Variants in ARHGAP10 observed in about 807,000 individuals in gnomAD.
ARHGAP10 encodes Rho GTPase activating protein 10, also known as rho GTPase-activating protein 10.
In ARHGAP10, 87 loss-of-function variants were observed where a neutral mutation model predicts 108.6. The observed-to-expected ratio is 0.80, with a 90% CI of 0.67 to 0.96. ARHGAP10 has a LOEUF of 0.96. Among genes scored for constraint, ARHGAP10 ranks in the 40% least tolerant of loss-of-function variants. ARHGAP10 has a pLI of 0.00. For synonymous variants in ARHGAP10, 347 were observed against 341.1 expected (o/e 1.02, Z -0.19); for missense variants, 939 against 954.5 (o/e 0.98, Z 0.21).
At chr4:147,872,481 G>A (rs373590665) in intron 7 of ARHGAP10, among the ~76,000 whole-genome samples, 2 of 152,212 alleles carry the variant, frequency 1.3e-5, no homozygotes, top group Non-Finnish European at 1.5e-5. Flanking sequence ...ATATAAACAC[G>A]TGTGCTCTGT....
intron 15 of ARHGAP10, among the ~76,000 whole-genome samples, chr4:147,953,601 G>A (rs1009597814): frequency 3.4e-5 from 5 of 145,844 alleles, no homozygotes; most frequent in African/African-American, 1.2e-4. Context: ...CACTGATTCT[G>A]CAGTCACCTT....
chr4:147,839,142 A>ATCTG (rs66465708), intron 3 of ARHGAP10, among the ~76,000 whole-genome samples: 18,578 of 117,512 alleles, frequency 0.16, 3,565 homozygotes, highest in Non-Finnish European at 0.21. Flanking sequence ...CTATCTATCT[A>ATCTG]TCTGTCTGTC....
rs1732563786 is a variant in ARHGAP10 at position 147,822,888 on chromosome 4, T to A, written c.251-8T>A. 6.2e-7 allele frequency: 1 copy of A among 1,613,942 alleles called. No individual in the cohort carries two copies. Among genetic ancestry groups the A allele is most frequent in the African/African-American group, 1.3e-5 (1 of 74,930 alleles). ...GGCCACCAAATAATCACTCCTTTCT[T>A]CTTACAGATGCTTCCTTACGTGAAT... is the stretch of plus-strand genomic sequence containing the variant. On this transcript the variant is annotated splice_region_variant and splice_polypyrimidine_tract_variant and intron_variant, in intron 2 of 22. Coordinates refer to ENST00000336498, the MANE Select transcript of ARHGAP10 (RefSeq NM_024605.4).
chr4:148,036,933 A>G (rs1271060615), intron 19 of ARHGAP10, among the ~76,000 whole-genome samples: 1 of 152,194 alleles, frequency 6.6e-6, no homozygotes, highest in Non-Finnish European at 1.5e-5. Flanking sequence ...TAAGCTGTGA[A>G]GAAACAAGGC....
chr4:147,753,373 A>G (rs546763599), intron 1 of ARHGAP10, among the ~76,000 whole-genome samples: 2 of 147,844 alleles, frequency 1.4e-5, no homozygotes, highest in South Asian at 2.1e-4. Context: ...TTTTTGAGAC[A>G]CAGTCTGTTG....
At chr4:147,786,040 G>A (rs1385789438) in intron 1 of ARHGAP10, among the ~76,000 whole-genome samples, 2 of 152,134 alleles carry the variant, frequency 1.3e-5, no homozygotes, top group East Asian at 3.9e-4. Flanking sequence ...TTTTTCTGAG[G>A]TAGATTGTTG....
chr4:147,940,338 G>A (rs1050431333), intron 14 of ARHGAP10, among the ~76,000 whole-genome samples: 1 of 152,320 alleles, frequency 6.6e-6, no homozygotes, highest in Admixed American at 6.5e-5. Flanking sequence ...ATTCACAGTG[G>A]CTTGTTTGTA....
At chr4:147,923,265 G>C (rs113983538) in intron 13 of ARHGAP10, among the ~76,000 whole-genome samples, 2,448 of 152,286 alleles carry the variant, frequency 0.016, 71 homozygotes, top group African/African-American at 0.056. Flanking sequence ...TAGTTTCAGA[G>C]ATTGGAGTGT....
At chr4:147,953,301 A>G (rs774533255) in intron 15 of ARHGAP10, among the ~76,000 whole-genome samples, 15 of 152,010 alleles carry the variant, frequency 9.9e-5, no homozygotes, top group Admixed American at 2.0e-4. Context: ...GTTAGAAATT[A>G]TTCCCTCTTC....
In ARHGAP10 at chr4:147,803,762, T is replaced by G. The variant is rs148112543; in HGVS notation, c.155-18965T>G. Among the ~76,000 whole-genome samples, 1,366 of 152,262 alleles carry G rather than the reference T, an allele frequency of 9.0e-3. 12 individuals are homozygous for G. Among genetic ancestry groups the G allele is most frequent in the South Asian group, 0.033 (161 of 4,826 alleles). On this transcript the variant is annotated intron_variant, in intron 1 of 22. Transcript: ENST00000336498. ...TCCATGTTGCTGTAAATTACAGCATTTTATTCTTTTCTGTGGCTGAATAGT... is the reference window on the plus strand; with the variant it reads ...TCCATGTTGCTGTAAATTACAGCATGTTATTCTTTTCTGTGGCTGAATAGT...
chr4:147,848,595 C>G (rs1011143646), intron 4 of ARHGAP10, among the ~76,000 whole-genome samples: 11 of 152,330 alleles, frequency 7.2e-5, no homozygotes, highest in East Asian at 3.9e-4. Context: ...GGTTCATTCT[C>G]TTTTAACATT....
intron 1 of ARHGAP10, among the ~76,000 whole-genome samples, chr4:147,753,518 GTT>G (rs11449935): frequency 1.0e-4 from 14 of 139,048 alleles, no homozygotes; most frequent in East Asian, 2.1e-4. Context: ...TAATTTTTTG[GTT>G]TTTTTTTTTT....
chr4:147,781,560 G>T lies in ARHGAP10; in HGVS notation c.155-41167G>T, dbSNP rs372500442. On this transcript the variant is annotated intron_variant, in intron 1 of 22. Coordinates refer to ENST00000336498, the MANE Select transcript of ARHGAP10 (RefSeq NM_024605.4). ...TTTTGTTCTCCATTTTTAAAAAAGG[G>T]TATAGTAGTCCTTATTATGACTATG... is the stretch of plus-strand genomic sequence containing the variant. Among the ~76,000 whole-genome samples, 46 of 152,038 alleles carry T rather than the reference G, an allele frequency of 3.0e-4. No individual in the cohort carries two copies. In the East Asian group the frequency reaches 7.5e-3, roughly 25 times the overall value.
chr4:147,922,027 C>T (rs1309066523), intron 13 of ARHGAP10, among the ~76,000 whole-genome samples: 3 of 150,648 alleles, frequency 2.0e-5, no homozygotes, highest in Admixed American at 6.6e-5. Flanking sequence ...GCCCCTCCTG[C>T]ACCTCCTGCA....
intron 15 of ARHGAP10, among the ~76,000 whole-genome samples, chr4:147,954,346 A>G (rs1447289113): frequency 1.3e-5 from 2 of 151,906 alleles, no homozygotes; most frequent in African/African-American, 2.4e-5. Flanking sequence ...TAGTTCTGTC[A>G]ATTTTTGCTT....
intron 7 of ARHGAP10, among the ~76,000 whole-genome samples, chr4:147,874,545 A>G (rs1026563529): frequency 6.6e-6 from 1 of 152,204 alleles, no homozygotes; most frequent in Non-Finnish European, 1.5e-5. Context: ...TGTATTTATT[A>G]GTTTGCAAAG....
At chr4:147,922,402 A>T (rs958527635) in intron 13 of ARHGAP10, among the ~76,000 whole-genome samples, 2 of 152,050 alleles carry the variant, frequency 1.3e-5, no homozygotes, top group African/African-American at 4.8e-5. Flanking sequence ...AAAAAAAAAA[A>T]AAGTTGGCCG....
chr4:147,934,142 G>T (rs1283204507), intron 13 of ARHGAP10, among the ~76,000 whole-genome samples: 1 of 152,232 alleles, frequency 6.6e-6, no homozygotes, highest in Non-Finnish European at 1.5e-5. Flanking sequence ...GAACCTTTCT[G>T]CCAAAGCACC....
intron 1 of ARHGAP10, among the ~76,000 whole-genome samples, chr4:147,741,932 A>T (rs1728691157): frequency 6.6e-6 from 1 of 152,100 alleles, no homozygotes. Flanking sequence ...CCCTGGTCCA[A>T]CTAGAATTTC....
Sources: allele counts gnomAD v4.1 joint callset (sites outside exome capture counted in the v4.1 genomes callset), GRCh38; gene constraint gnomAD v4.1.1; transcripts MANE v1.5; gene names NCBI Gene and HGNC (gene_info 2026-07-23, HGNC 2026-07-21).